The following RSAD2 variants were observed in gnomAD, a reference collection of about 807,000 sequenced individuals.
The protein encoded by RSAD2 is S-adenosylmethionine-dependent nucleotide dehydratase RSAD2.
Under a neutral mutation model 37.7 loss-of-function variants are expected in RSAD2, and 38 were observed. The observed-to-expected ratio is 1.01, with a 90% confidence interval of 0.78 to 1.32. The LOEUF (loss-of-function observed/expected upper bound fraction) is 1.32, where lower values mean the gene tolerates loss of function less well. Among genes scored for constraint, RSAD2 ranks in the 40% most tolerant of loss-of-function variants. The pLI, the probability that RSAD2 is intolerant of heterozygous loss-of-function variation, is 0.00. For missense variants in RSAD2, 428 were observed against 437.5 expected (o/e 0.98, Z 0.19); for synonymous variants, 163 against 157.4 (o/e 1.04, Z -0.27).
chr2:6,889,497 G>A (rs1337196425), intron 3 of RSAD2, among the ~76,000 whole-genome samples: 1 of 152,204 alleles, frequency 6.6e-6, no homozygotes, highest in Non-Finnish European at 1.5e-5. Flanking sequence ...ATTCTGTGTA[G>A]AATCATCCTT....
intron 4 of RSAD2, among the ~76,000 whole-genome samples, chr2:6,892,392 A>G (rs762267343): frequency 1.3e-5 from 2 of 152,220 alleles, no homozygotes; most frequent in Non-Finnish European, 2.9e-5. Flanking sequence ...TAATTTTTTA[A>G]AACTCCATCT....
intron 1 of RSAD2, among the ~76,000 whole-genome samples, chr2:6,878,559 GAAACAA>G (rs1449717851): frequency 6.6e-6 from 1 of 152,158 alleles, no homozygotes; most frequent in Admixed American, 6.6e-5. Context: ...AGAAAAGTTG[GAAACAA>G]AAACAAAAAC....
At chr2:6,883,707 T>G (rs2103243535) in intron 2 of RSAD2, 175 bp downstream of exon 2, 1 of 676,794 alleles carries the variant, frequency 1.5e-6, no homozygotes, top group Non-Finnish European at 2.4e-6. Flanking sequence ...TATGGCAGTT[T>G]TAGTTCCTTA....
At chr2:6,877,067 G>A (rs6431836), upstream of RSAD2, 145,964 of 152,302 alleles carry the variant, frequency 0.96, 70,230 homozygotes, top group East Asian at 1. Context: ...AACTGTAAAG[G>A]TAAATAAATG....
intron 4 of RSAD2, among the ~76,000 whole-genome samples, chr2:6,891,465 T>C (rs1663626696): frequency 6.6e-6 from 1 of 152,212 alleles, no homozygotes; most frequent in Non-Finnish European, 1.5e-5. Context: ...GATATGTTAC[T>C]GCAGTATTAA....
intron 2 of RSAD2, among the ~76,000 whole-genome samples, chr2:6,885,099 C>T (rs1185318273): frequency 6.6e-6 from 1 of 152,072 alleles, no homozygotes; most frequent in Non-Finnish European, 1.5e-5. Flanking sequence ...GCTATGCTCA[C>T]GTCTAGGGTT....
At chr2:6,866,393 C>T (rs1663091239) in intron 1 of RSAD2, 6 of 956,998 alleles carry the variant, frequency 6.3e-6, no homozygotes, top group Non-Finnish European at 7.5e-6. Flanking sequence ...CACTCACTCA[C>T]CTGTGCACAC....
At position 6,886,940 on chromosome 2, in the gene RSAD2, T is replaced by C; in HGVS notation, c.514T>C (p.Tyr172His). 12 of 1,613,040 alleles carry C rather than the reference T, an allele frequency of 7.4e-6. No individual in the cohort carries two copies. Among genetic ancestry groups the C allele is most frequent in the Non-Finnish European group, 1.0e-5 (12 of 1,179,024 alleles). The change falls in exon 3 of 6, where the codon TAT becomes CAT. Residue 172 changes from tyrosine (Y) to histidine (H), a missense_variant. Transcript: ENST00000382040. ...ACATGATCATTTTCCCTCAGGTGAG[T>C]ATTTGGACATTCTCGCTATCTCCTG... ...RERWFQNYGE[Y>H]LDILAISCDS...
At chr2:6,866,004 C>A in exon 1 of RSAD2, 1 of 617,002 alleles carries the variant, frequency 1.6e-6, no homozygotes, top group Non-Finnish European at 2.4e-6. Context: ...CGCCGGCTCC[C>A]GGGGCTGACA....
upstream of RSAD2, among the ~76,000 whole-genome samples, chr2:6,873,639 C>T (rs542760334): frequency 9.2e-5 from 14 of 152,210 alleles, no homozygotes; most frequent in South Asian, 1.0e-3. Context: ...GTATTCTTTT[C>T]GAAGTCTTCT....
intron 2 of RSAD2, 108 bp from the exon 3 acceptor site, chr2:6,886,827 T>A (rs10197837): frequency 0.13 from 101,767 of 760,450 alleles, 7,196 homozygotes; most frequent in South Asian, 0.16. Flanking sequence ...TAAGGAAAAG[T>A]GTCTTTTTAA....
chr2:6,875,398 A>C (rs1412762546), upstream of RSAD2, among the ~76,000 whole-genome samples: 1 of 152,172 alleles, frequency 6.6e-6, no homozygotes, highest in Non-Finnish European at 1.5e-5. Context: ...AACTCATCAG[A>C]GCTCTGGTCA....
chr2:6,896,055 C>A lies in RSAD2; in HGVS notation c.*113C>A. On this transcript the variant is annotated 3_prime_UTR_variant, in exon 6 of 6. Coordinates refer to ENST00000382040, the MANE Select transcript of RSAD2 (RefSeq NM_080657.5). ...TCCCAGTGGCTGAAAACCTGATTTT[C>A]TGCTGCACGTGGCATCTGATTACCT... is the stretch of plus-strand genomic sequence containing the variant. The A allele has an allele frequency of 9.8e-7, 1 of 1,017,792 alleles. No individual in the cohort carries two copies. The highest frequency in any genetic ancestry group is 1.4e-6 in the Non-Finnish European group (1 of 701,106). The allele number at this position is 1,017,792 out of a possible 1,614,324, so 63.0% of individuals were successfully genotyped here.
At chr2:6,873,224 T>C (rs1009861531), upstream of RSAD2, among the ~76,000 whole-genome samples, 2 of 152,208 alleles carry the variant, frequency 1.3e-5, no homozygotes, top group Admixed American at 6.5e-5. Context: ...CACTCTTGGC[T>C]TTTCTTGATG....
intron 3 of RSAD2, among the ~76,000 whole-genome samples, chr2:6,887,444 C>A (rs1474689633): frequency 2.6e-5 from 4 of 152,154 alleles, no homozygotes; most frequent in African/African-American, 9.7e-5. Context: ...AAAAAATATG[C>A]TCAGTGCTTT....
chr2:6,894,312 T>C (rs577673059), intron 5 of RSAD2, among the ~76,000 whole-genome samples: 3 of 152,062 alleles, frequency 2.0e-5, no homozygotes, highest in Non-Finnish European at 4.4e-5. Flanking sequence ...TTTCTAGATC[T>C]ATAACCATTG....
intron 5 of RSAD2, among the ~76,000 whole-genome samples, chr2:6,895,395 G>T (rs767127071): frequency 1.3e-5 from 2 of 152,170 alleles, no homozygotes; most frequent in Non-Finnish European, 2.9e-5. Flanking sequence ...AGTACATCAT[G>T]CTATATCACA....
upstream of RSAD2, among the ~76,000 whole-genome samples, chr2:6,875,964 C>G (rs910494011): frequency 1.3e-5 from 2 of 152,188 alleles, no homozygotes; most frequent in African/African-American, 2.4e-5. Flanking sequence ...GGATTGCCTG[C>G]TCTACCACCC....
At chr2:6,873,394 A>G (rs751257635), upstream of RSAD2, among the ~76,000 whole-genome samples, 4 of 152,146 alleles carry the variant, frequency 2.6e-5, no homozygotes, top group Non-Finnish European at 5.9e-5. Context: ...AAATTCAAAT[A>G]CCCTTCACAC....
Sources: gnomAD v4.1 joint callset for allele counts (sites outside exome capture counted in the v4.1 genomes callset) on GRCh38, gnomAD v4.1.1 for gene constraint, MANE v1.5 for transcripts, NCBI Gene and HGNC (gene_info 2026-07-23, HGNC 2026-07-21) for gene names.